The following COG5 variants were observed in gnomAD, a reference collection of about 807,000 sequenced individuals.
COG5 encodes conserved oligomeric Golgi complex subunit 5.
COG5 carries 86 observed loss-of-function variants against 110.4 expected under a neutral mutation model. That is an observed-to-expected ratio of 0.78 (90% CI 0.65 to 0.93). The LOEUF (loss-of-function observed/expected upper bound fraction) is 0.93. COG5 is among the 40% of genes least tolerant of loss of function. The pLI, the probability that COG5 is intolerant of heterozygous loss-of-function variation, is 0.00. For synonymous variants in COG5, 360 were observed against 334.6 expected, an observed-to-expected ratio of 1.08 and a Z score of -0.83; for missense variants, 1,077 against 987.0, an observed-to-expected ratio of 1.09 and a Z score of -1.22.
At chr7:107,282,226 C>A (rs1461071398) in intron 13 of COG5, among the ~76,000 whole-genome samples, 1 of 152,080 alleles carries the variant, frequency 6.6e-6, no homozygotes, top group African/African-American at 2.4e-5. Flanking sequence ...AGTATTGAGA[C>A]ATAATTTTGT....
chr7:107,311,743 C>A (rs1452166402), intron 11 of COG5, among the ~76,000 whole-genome samples: 2 of 151,840 alleles, frequency 1.3e-5, no homozygotes, highest in African/African-American at 4.8e-5. Flanking sequence ...ATTTTAGAAG[C>A]TTTTTATATA....
At chr7:107,490,047 A>C (rs893301677) in intron 6 of COG5, among the ~76,000 whole-genome samples, 1 of 152,134 alleles carries the variant, frequency 6.6e-6, no homozygotes, top group Non-Finnish European at 1.5e-5. Flanking sequence ...TAACAAACGC[A>C]TTTTCAATTC....
intron 6 of COG5, among the ~76,000 whole-genome samples, chr7:107,453,231 G>A (rs1795452119): frequency 6.6e-6 from 1 of 152,158 alleles, no homozygotes; most frequent in Non-Finnish European, 1.5e-5. Context: ...ACAACTGAAA[G>A]TACAGGAGTT....
At chr7:107,261,877 T>C (rs560824450) in intron 14 of COG5, among the ~76,000 whole-genome samples, 2 of 152,060 alleles carry the variant, frequency 1.3e-5, no homozygotes, top group Non-Finnish European at 2.9e-5. Flanking sequence ...TAGGTAGATA[T>C]ATTTATGCTT....
chr7:107,355,324 A>G lies in COG5; in HGVS notation c.1026+6709T>C, dbSNP rs187171802. On this transcript the variant is annotated intron_variant, in intron 10 of 21. Transcript: ENST00000297135. ...TCTTTCTTTGCTAATGGGAATACAA[A>G]ATGATACAGCAACTTTCAAAAACAG... Among the ~76,000 whole-genome samples the G allele has an allele frequency of 4.6e-5, 7 of 152,342 alleles. No individual in the cohort carries two copies. The East Asian group carries it at 1.3e-3, about 29-fold the overall frequency.
At chr7:107,446,418 A>G (rs1006002674) in intron 6 of COG5, among the ~76,000 whole-genome samples, 9 of 152,194 alleles carry the variant, frequency 5.9e-5, no homozygotes, top group African/African-American at 2.2e-4. Flanking sequence ...TCTTAGGCAC[A>G]CATACTTACG....
At chr7:107,471,318 A>C (rs1254731800) in intron 6 of COG5, 1 of 152,052 alleles carries the variant, frequency 6.6e-6, no homozygotes, top group Non-Finnish European at 1.5e-5. Flanking sequence ...ACTTGCAATT[A>C]ATTACAAATT....
chr7:107,312,987 G>A (rs1808417254), intron 11 of COG5, among the ~76,000 whole-genome samples: 1 of 152,162 alleles, frequency 6.6e-6, no homozygotes, highest in Admixed American at 6.5e-5. Context: ...GGAATTAGGT[G>A]TAAATCTTCA....
intron 12 of COG5, among the ~76,000 whole-genome samples, chr7:107,293,486 A>T (rs948237884): frequency 8.5e-5 from 13 of 152,184 alleles, no homozygotes; most frequent in Non-Finnish European, 1.5e-4. Context: ...CACAGGCTCC[A>T]GTTTTTCTGA....
At chr7:107,528,234 G>A (rs545848922) in intron 5 of COG5, among the ~76,000 whole-genome samples, 83 of 152,106 alleles carry the variant, frequency 5.5e-4, no homozygotes, top group Admixed American at 5.4e-3. Flanking sequence ...TGGGACTACA[G>A]GCGTGTGCCA....
intron 11 of COG5, among the ~76,000 whole-genome samples, chr7:107,301,160 A>G (rs1385709416): frequency 6.6e-6 from 1 of 152,160 alleles, no homozygotes; most frequent in Non-Finnish European, 1.5e-5. Flanking sequence ...AAAAAGATTA[A>G]ATTTTCTAAA....
At chr7:107,383,424 A>G (rs1028424470) in intron 7 of COG5, among the ~76,000 whole-genome samples, 7 of 152,216 alleles carry the variant, frequency 4.6e-5, no homozygotes, top group Non-Finnish European at 7.3e-5. Context: ...TTCCTGTTTC[A>G]TGGATAAAGG....
At chr7:107,339,712 A>G (rs1318240190) in intron 10 of COG5, among the ~76,000 whole-genome samples, 1 of 152,170 alleles carries the variant, frequency 6.6e-6, no homozygotes, top group Non-Finnish European at 1.5e-5. Context: ...GATACCAAGA[A>G]GATCTCCCAA....
chr7:107,506,145 C>T (rs2129139938), intron 6 of COG5, among the ~76,000 whole-genome samples: 1 of 152,334 alleles, frequency 6.6e-6, no homozygotes, highest in Middle Eastern at 3.4e-3. Context: ...TAAGGTCATG[C>T]ACAAGTTTTC....
intron 11 of COG5, among the ~76,000 whole-genome samples, chr7:107,321,397 G>C (rs991045863): frequency 1.3e-5 from 2 of 152,100 alleles, no homozygotes; most frequent in Non-Finnish European, 2.9e-5. Flanking sequence ...TTGATCTGTA[G>C]ATTCAATGCA....
intron 5 of COG5, among the ~76,000 whole-genome samples, chr7:107,544,181 C>A (rs1320814635): frequency 6.6e-6 from 1 of 152,078 alleles, no homozygotes; most frequent in African/African-American, 2.4e-5. Flanking sequence ...CTGGTAAACC[C>A]AAGACCAGGC....
chr7:107,485,301 T>C (rs1250022388), intron 6 of COG5, among the ~76,000 whole-genome samples: 1 of 152,194 alleles, frequency 6.6e-6, no homozygotes, highest in African/African-American at 2.4e-5. Context: ...TTGCCTGAAA[T>C]TTCTGATCCT....
chr7:107,348,729 T>A (rs1305090703), intron 10 of COG5, among the ~76,000 whole-genome samples: 2 of 152,200 alleles, frequency 1.3e-5, no homozygotes. Context: ...CCATCTTCAT[T>A]TTATGTGTCT....
At chr7:107,339,128 G>C (rs765043875) in intron 10 of COG5, among the ~76,000 whole-genome samples, 1 of 152,096 alleles carries the variant, frequency 6.6e-6, no homozygotes, top group Non-Finnish European at 1.5e-5. Flanking sequence ...ATCTTCAAGA[G>C]ACTGATCTCA....
Sources: gnomAD v4.1 joint callset for allele counts (sites outside exome capture counted in the v4.1 genomes callset) on GRCh38, gnomAD v4.1.1 for gene constraint, MANE v1.5 for transcripts, NCBI Gene and HGNC (gene_info 2026-07-23, HGNC 2026-07-21) for gene names.